EML4: variants seen among roughly 807,000 people sequenced by gnomAD.
EML4 encodes echinoderm microtubule-associated protein-like 4.
Under a neutral mutation model 129.0 loss-of-function variants are expected in EML4, and 72 were observed. The observed-to-expected ratio is 0.56, with a 90% CI of 0.46 to 0.68. The LOEUF (loss-of-function observed/expected upper bound fraction) is 0.68. Ranked by LOEUF, EML4 falls within the 30% of genes least tolerant of loss-of-function variation. The pLI is 0.00. For missense variants in EML4, 1,363 were observed against 1,190.6 expected (o/e 1.14, Z -2.13); for synonymous variants, 532 against 405.0 (o/e 1.31, Z -3.77).
At chr2:42,270,179 C>G (rs1371294240) in intron 6 of EML4, among the ~76,000 whole-genome samples, 2 of 152,148 alleles carry the variant, frequency 1.3e-5, no homozygotes, top group African/African-American at 4.8e-5. Flanking sequence ...TTTCTGAAAG[C>G]TTTTTCTTGG....
At chr2:42,285,105 C>T (rs1667215919) in intron 9 of EML4, among the ~76,000 whole-genome samples, 1 of 151,816 alleles carries the variant, frequency 6.6e-6, no homozygotes, top group African/African-American at 2.4e-5. Context: ...GGTGGAATCT[C>T]ACTTCGTTGC....
At chr2:42,282,409 C>A (rs1188168603) in intron 7 of EML4, among the ~76,000 whole-genome samples, 3 of 147,484 alleles carry the variant, frequency 2.0e-5, no homozygotes, top group Admixed American at 6.8e-5. Context: ...TGGGGGTGGG[C>A]GGCAACAGGG....
chr2:42,255,226 C>G (rs1676053067), intron 2 of EML4, among the ~76,000 whole-genome samples: 1 of 152,112 alleles, frequency 6.6e-6, no homozygotes, highest in Non-Finnish European at 1.5e-5. Context: ...GCTGGGACTA[C>G]AGGCGCTCGC....
At chr2:42,295,623 C>G in intron 13 of EML4, 107 bp downstream of exon 13, 1 of 832,452 alleles carries the variant, frequency 1.2e-6, no homozygotes, top group Middle Eastern at 3.3e-4. Flanking sequence ...ACAATATGAG[C>G]AAGTCACCAA....
Position 42,245,702 on chromosome 2 carries a change from A to C in EML4, c.208+15A>C, listed in dbSNP as rs78228975. On this transcript the variant is annotated intron_variant, in intron 2 of 22. Transcript: ENST00000318522. ...CTCAAGTAAAGGTAATTGTGTTGTA[A>C]AGTTAAAAAGAGTCTTGCTTTTTGC... The C allele has an allele frequency of 1.6e-4, 246 of 1,559,254 alleles. 1 individual carries two copies. In the African/African-American group the frequency reaches 3.1e-3, roughly 20 times the overall value.
At chr2:42,264,889 G>A (rs998714074) in intron 6 of EML4, 158 bp downstream of exon 6, 2 of 1,548,642 alleles carry the variant, frequency 1.3e-6, no homozygotes, top group Non-Finnish European at 1.7e-6. Flanking sequence ...AGTTTTTATT[G>A]TAAGGTAATG....
At chr2:42,217,905 T>C (rs892768585) in intron 1 of EML4, among the ~76,000 whole-genome samples, 1 of 152,234 alleles carries the variant, frequency 6.6e-6, no homozygotes, top group African/African-American at 2.4e-5. Flanking sequence ...ATCATCTCAC[T>C]TTTGGAACAT....
At chr2:42,183,651 C>T (rs938797103) in intron 1 of EML4, among the ~76,000 whole-genome samples, 15 of 151,582 alleles carry the variant, frequency 9.9e-5, no homozygotes, top group Admixed American at 2.0e-4. Context: ...TTTTTTAAAT[C>T]GTTTATATTT....
Position 42,330,188 on chromosome 2 carries a change from A to G in EML4, c.2927A>G (p.Asp976Gly), listed in dbSNP as rs753334969. 59 of 1,612,544 alleles carry G rather than the reference A, an allele frequency of 3.7e-5. No individual in the cohort carries two copies. The highest frequency in any genetic ancestry group is 1.0e-4 in the Admixed American group (6 of 59,722). Residue 976 changes from aspartate to glycine, a missense_variant, in exon 23 of 23, where the codon GAC becomes GGC. Coordinates refer to ENST00000318522, the MANE Select transcript of EML4 (RefSeq NM_019063.5). ...AKATLLEDQQ[D>G]PSPSS is the part of the protein sequence containing the mutation. ...GCCACCCTTCTGGAGGACCAGCAAG[A>G]CCCTTCGCCCTCGTCCTAACACCCT...
intron 9 of EML4, among the ~76,000 whole-genome samples, chr2:42,285,614 T>C (rs1477092602): frequency 1.3e-5 from 2 of 151,818 alleles, no homozygotes; most frequent in African/African-American, 2.4e-5. Flanking sequence ...TCTTTTTTTT[T>C]TTGAGACGGA....
At chr2:42,250,383 A>T (rs997464213) in intron 2 of EML4, among the ~76,000 whole-genome samples, 5 of 152,178 alleles carry the variant, frequency 3.3e-5, no homozygotes, top group African/African-American at 1.2e-4. Flanking sequence ...AGGGATTATC[A>T]TAGGTTTGCT....
intron 6 of EML4, among the ~76,000 whole-genome samples, chr2:42,280,509 C>G (rs1666945453): frequency 6.6e-6 from 1 of 152,162 alleles, no homozygotes; most frequent in Non-Finnish European, 1.5e-5. Context: ...AGACTTTTGT[C>G]ATTATTTTCT....
At chr2:42,194,387 G>T (rs1572857628) in intron 1 of EML4, among the ~76,000 whole-genome samples, 2 of 101,946 alleles carry the variant, frequency 2.0e-5, no homozygotes, top group East Asian at 3.1e-4. Context: ...TATCATTGTT[G>T]ACTTGTACTA....
chr2:42,319,589 T>C (rs1428313169), intron 19 of EML4: 1 of 152,246 alleles, frequency 6.6e-6, no homozygotes, highest in Non-Finnish European at 1.5e-5. Flanking sequence ...AGTCCCCTGC[T>C]TTTATCTATT....
chr2:42,260,233 T>C (rs1665642521), intron 3 of EML4, among the ~76,000 whole-genome samples: 1 of 151,982 alleles, frequency 6.6e-6, no homozygotes, highest in Non-Finnish European at 1.5e-5. Context: ...AATGGTGCAA[T>C]CTCCGCTCAC....
chr2:42,294,136 T>G (rs1449244912), intron 11 of EML4, among the ~76,000 whole-genome samples: 1 of 152,260 alleles, frequency 6.6e-6, no homozygotes, highest in Non-Finnish European at 1.5e-5. Context: ...ATACACTGTT[T>G]TAGAATGATA....
chr2:42,289,657 A>T (rs1023763178), intron 11 of EML4: 1 of 151,980 alleles, frequency 6.6e-6, no homozygotes, highest in Non-Finnish European at 1.5e-5. Context: ...GACATCATTC[A>T]TGGCTCTTTT....
chr2:42,258,447 C>T (rs550434867), intron 3 of EML4, among the ~76,000 whole-genome samples: 59 of 152,030 alleles, frequency 3.9e-4, no homozygotes, highest in Admixed American at 9.8e-4. Context: ...GTTGCCCAGG[C>T]TGGAGTGCAA....
chr2:42,264,768 CT>C, intron 6 of EML4, 37 bp downstream of exon 6: 1 of 1,459,968 alleles, frequency 6.8e-7, no homozygotes, highest in Non-Finnish European at 9.5e-7. Flanking sequence ...TTATTTTGCC[CT>C]TCTTAGTTTA....
Sources: gnomAD v4.1 joint callset for allele counts (sites outside exome capture counted in the v4.1 genomes callset) on GRCh38, gnomAD v4.1.1 for gene constraint, MANE v1.5 for transcripts, NCBI Gene and HGNC (gene_info 2026-07-23, HGNC 2026-07-21) for gene names.